MED13L: variants seen among roughly 807,000 people sequenced by gnomAD.
MED13L encodes the protein mediator of RNA polymerase II transcription subunit 13-like.
A neutral mutation model predicts 220.9 loss-of-function variants in MED13L; 7 were observed. The ratio of observed to expected loss-of-function variants is 0.03; its 90% CI spans 0.02 to 0.06. MED13L has a LOEUF of 0.06. Ranked by LOEUF, MED13L falls within the 10% of genes least tolerant of loss-of-function variation. The pLI is 1.00. For synonymous variants in MED13L, 1,011 were observed against 1,015.2 expected (o/e 1.00, Z 0.08); for missense variants, 1,965 against 2,760.5 (o/e 0.71, Z 6.46).
chr12:116,157,135 A>G (rs1335680055), intron 2 of MED13L, among the ~76,000 whole-genome samples: 1 of 152,098 alleles, frequency 6.6e-6, no homozygotes, highest in Non-Finnish European at 1.5e-5. Flanking sequence ...ATAAATCAAA[A>G]AACTTTTTCA....
intron 2 of MED13L, among the ~76,000 whole-genome samples, chr12:116,138,514 C>T (rs1876781928): frequency 6.6e-6 from 1 of 152,154 alleles, no homozygotes. Flanking sequence ...AAAGCTACAG[C>T]GTCTTTTTAT....
At chr12:116,009,914 T>C (rs1592943714) in intron 9 of MED13L, among the ~76,000 whole-genome samples, 2 of 152,232 alleles carry the variant, frequency 1.3e-5, no homozygotes, top group East Asian at 1.9e-4. Flanking sequence ...AACAAAGTTA[T>C]ACTGCATGTC....
At chr12:116,200,982 AAAG>A (rs1474470209) in intron 2 of MED13L, among the ~76,000 whole-genome samples, 4 of 152,194 alleles carry the variant, frequency 2.6e-5, no homozygotes, top group Non-Finnish European at 5.9e-5. Context: ...GCAGGTTACA[AAAG>A]AAGAACAGTC....
chr12:116,140,166 T>A (rs1355328080), intron 2 of MED13L, among the ~76,000 whole-genome samples: 1 of 152,086 alleles, frequency 6.6e-6, no homozygotes, highest in Non-Finnish European at 1.5e-5. Flanking sequence ...CCCAGCATGC[T>A]CTATTCTCAT....
rs74859412 is a variant in MED13L, at chr12:116,252,866, C to T, written c.73-15161G>A. ...CACTAAAATGATAGGGGAATTATTA[C>T]AGACAATTTTTGTGCCAATAAATAA... On this transcript the variant is annotated intron_variant, in intron 1 of 30. Transcript: ENST00000281928. Among the ~76,000 whole-genome samples, 650 of 152,190 alleles carry T rather than the reference C, an allele frequency of 4.3e-3. 29 individuals are homozygous for T. The East Asian group carries it at 0.093, about 22-fold the overall frequency.
chr12:116,111,361 G>C (rs978972750), intron 3 of MED13L, 67 bp downstream of exon 3: 1 of 1,279,238 alleles, frequency 7.8e-7, no homozygotes, highest in Non-Finnish European at 1.1e-6. Context: ...AAAATTACAG[G>C]AAACTCTCGG....
At chr12:116,207,864 C>G (rs1404488048) in intron 2 of MED13L, among the ~76,000 whole-genome samples, 2 of 152,000 alleles carry the variant, frequency 1.3e-5, no homozygotes, top group Admixed American at 1.3e-4. Context: ...AATAGGAATC[C>G]TCAGTGCTCA....
chr12:116,083,428 C>T, intron 4 of MED13L, among the ~76,000 whole-genome samples: 1 of 106,300 alleles, frequency 9.4e-6, no homozygotes, highest in South Asian at 3.2e-4. Flanking sequence ...AAAAAAAAAA[C>T]ACCTGCGCAA....
At chr12:116,173,019 G>C (rs923791483) in intron 2 of MED13L, among the ~76,000 whole-genome samples, 6 of 141,888 alleles carry the variant, frequency 4.2e-5, no homozygotes, top group African/African-American at 1.6e-4. Context: ...TGTCACAGAA[G>C]ACATTACATA....
In MED13L at chr12:116,007,439, G is replaced by T. The variant is rs142011259; in HGVS notation, c.2210C>A (p.Thr737Lys). 2 of 1,613,114 alleles carry T rather than the reference G, an allele frequency of 1.2e-6. No individual in the cohort carries two copies. The highest frequency in any genetic ancestry group is 1.7e-6 in the Non-Finnish European group (2 of 1,179,408). The stretch of plus-strand genomic sequence containing the variant: ...ATTCTTTTTCAGGGAATCTTTCTCC[G>T]TCCCTTGTTTGCATTTCTTGTTGGC... ...FTANKKCKQG[T>K]EKDSLKKNKS... Residue 737 changes from threonine to lysine, a missense_variant, in exon 11 of 31, where the codon ACG (threonine) becomes AAG (lysine). Physicochemically the swap from Thr to Lys is moderately conservative, Grantham distance 78. Coordinates refer to ENST00000281928, the MANE Select transcript of MED13L (RefSeq NM_015335.5).
chr12:116,247,509 T>C (rs1378000478), intron 1 of MED13L, among the ~76,000 whole-genome samples: 2 of 152,190 alleles, frequency 1.3e-5, no homozygotes, highest in Non-Finnish European at 2.9e-5. Context: ...GCATGCTCCA[T>C]CCCATCTGGC....
At chr12:116,064,988 A>C (rs1384627446) in intron 4 of MED13L, among the ~76,000 whole-genome samples, 1 of 152,234 alleles carries the variant, frequency 6.6e-6, no homozygotes, top group Non-Finnish European at 1.5e-5. Context: ...ACCTTCTAAG[A>C]AAAGCATCAC....
intron 2 of MED13L, among the ~76,000 whole-genome samples, chr12:116,179,591 G>T (rs888658694): frequency 1.3e-5 from 2 of 152,022 alleles, no homozygotes; most frequent in African/African-American, 4.8e-5. Context: ...TCCAGCCTGG[G>T]CGACATTCAA....
intron 26 of MED13L, among the ~76,000 whole-genome samples, 164 bp from the exon 27 acceptor site, chr12:115,970,934 G>C (rs1876538611): frequency 6.6e-6 from 1 of 152,170 alleles, no homozygotes; most frequent in Admixed American, 6.5e-5. Flanking sequence ...AACTGACTCA[G>C]AGCACATAGC....
chr12:116,015,881 G>A (rs1879694899), intron 7 of MED13L, among the ~76,000 whole-genome samples: 1 of 152,164 alleles, frequency 6.6e-6, no homozygotes, highest in African/African-American at 2.4e-5. Flanking sequence ...GACACTGAAA[G>A]AGGTTGTCTT....
chr12:115,971,058 C>T (rs1876548417), intron 26 of MED13L, among the ~76,000 whole-genome samples: 1 of 152,166 alleles, frequency 6.6e-6, no homozygotes, highest in South Asian at 2.1e-4. Flanking sequence ...AATAAACACC[C>T]TACTTTCTTT....
At chr12:116,187,630 T>C (rs529406127) in intron 2 of MED13L, among the ~76,000 whole-genome samples, 25 of 152,186 alleles carry the variant, frequency 1.6e-4, no homozygotes, top group Non-Finnish European at 3.2e-4. Context: ...TATCCTAAAA[T>C]TATATTTCTA....
At chr12:116,135,806 T>C (rs1026775092) in intron 2 of MED13L, among the ~76,000 whole-genome samples, 1 of 152,118 alleles carries the variant, frequency 6.6e-6, no homozygotes, top group Non-Finnish European at 1.5e-5. Flanking sequence ...GGCTAGCTGA[T>C]CAGTTTTGTG....
chr12:116,060,883 G>A (rs1239304684), intron 4 of MED13L, among the ~76,000 whole-genome samples: 1 of 152,032 alleles, frequency 6.6e-6, no homozygotes, highest in Non-Finnish European at 1.5e-5. Context: ...GGAAGTGAAA[G>A]CAATGAGATG....
Sources: allele counts gnomAD v4.1 joint callset (sites outside exome capture counted in the v4.1 genomes callset), GRCh38; gene constraint gnomAD v4.1.1; transcripts MANE v1.5; gene names NCBI Gene and HGNC (gene_info 2026-07-23, HGNC 2026-07-21).